SH3RF1: variants seen among roughly 807,000 people sequenced by gnomAD.
SH3RF1 encodes the protein E3 ubiquitin-protein ligase SH3RF1.
SH3RF1 carries 32 observed loss-of-function variants against 74.0 expected under a neutral mutation model. That is an observed-to-expected ratio of 0.43 (90% CI 0.33 to 0.58). SH3RF1 has a LOEUF of 0.58. SH3RF1 is among the 20% of genes least tolerant of loss of function. The probability of loss-of-function intolerance (pLI) is 0.05; values close to 1 mark genes in which losing one functional copy is unlikely to be tolerated. For synonymous variants in SH3RF1, 396 were observed against 439.6 expected (o/e 0.90, Z 1.24); for missense variants, 954 against 1,130.9 (o/e 0.84, Z 2.24).
intron 2 of SH3RF1, among the ~76,000 whole-genome samples, chr4:169,196,551 G>A (rs892264003): frequency 1.3e-5 from 2 of 152,158 alleles, no homozygotes; most frequent in African/African-American, 2.4e-5. Context: ...ACTTGTTCCC[G>A]CCAGATCTTG....
intron 2 of SH3RF1, among the ~76,000 whole-genome samples, chr4:169,249,010 G>A (rs148950054): frequency 2.6e-5 from 4 of 152,226 alleles, no homozygotes; most frequent in South Asian, 2.1e-4. Context: ...GGCAGATCAC[G>A]AGGTCAGGAG....
At chr4:169,122,067 A>G in intron 7 of SH3RF1, 33 bp downstream of exon 7, 1 of 1,603,716 alleles carries the variant, frequency 6.2e-7, no homozygotes. Context: ...TTAAATGAAC[A>G]CATAAGCAGT....
intron 2 of SH3RF1, among the ~76,000 whole-genome samples, chr4:169,231,672 G>C (rs545506592): frequency 6.6e-6 from 1 of 151,984 alleles, no homozygotes; most frequent in Non-Finnish European, 1.5e-5. Context: ...AGCTGCTATA[G>C]AATACTCACT....
intron 2 of SH3RF1, among the ~76,000 whole-genome samples, chr4:169,184,460 C>T (rs1734571474): frequency 1.3e-5 from 2 of 152,102 alleles, no homozygotes; most frequent in Non-Finnish European, 2.9e-5. Flanking sequence ...ATCCAGGTGG[C>T]TTCACTTCAT....
In SH3RF1 at chr4:169,253,625, T is replaced by G. The variant is rs897488307; in HGVS notation, c.393+15195A>C. Among the ~76,000 whole-genome samples the G allele has an allele frequency of 3.9e-5, 6 of 152,348 alleles. No homozygotes were observed. The East Asian group carries it at 1.2e-3, about 29-fold the overall frequency. ...ATTCAAAATGTAGAGGTGCTATTGC[T>G]AACCACATTACCTGTGCTTCCTACC... On this transcript the variant is annotated intron_variant, in intron 2 of 11. Coordinates refer to ENST00000284637, the MANE Select transcript of SH3RF1 (RefSeq NM_020870.4).
chr4:169,207,661 G>A (rs1417005240), intron 2 of SH3RF1, among the ~76,000 whole-genome samples: 1 of 152,170 alleles, frequency 6.6e-6, no homozygotes, highest in East Asian at 1.9e-4. Context: ...CCAGGTTCTG[G>A]ATGCTTCGAG....
At chr4:169,231,742 AC>A (rs1322094929) in intron 2 of SH3RF1, among the ~76,000 whole-genome samples, 5 of 152,182 alleles carry the variant, frequency 3.3e-5, no homozygotes, top group Admixed American at 6.5e-5. Flanking sequence ...CACCTGGACA[AC>A]TAACGCCTCT....
intron 2 of SH3RF1, among the ~76,000 whole-genome samples, chr4:169,163,158 A>G (rs1734178493): frequency 6.6e-6 from 1 of 151,880 alleles, no homozygotes; most frequent in Non-Finnish European, 1.5e-5. Flanking sequence ...TTTCTTACCA[A>G]TTTCCCTGGG....
At chr4:169,196,770 A>G (rs1053847871) in intron 2 of SH3RF1, among the ~76,000 whole-genome samples, 7 of 152,190 alleles carry the variant, frequency 4.6e-5, no homozygotes, top group Non-Finnish European at 1.0e-4. Flanking sequence ...CTCTACCATT[A>G]CAGAAAGCTC....
At chr4:169,252,565 T>C (rs371854925) in intron 2 of SH3RF1, among the ~76,000 whole-genome samples, 47 of 152,248 alleles carry the variant, frequency 3.1e-4, no homozygotes, top group South Asian at 4.1e-4. Flanking sequence ...TGCCAGATAA[T>C]AGTCAACTGA....
chr4:169,236,704 A>G (rs1290405331), intron 2 of SH3RF1, among the ~76,000 whole-genome samples: 1 of 152,202 alleles, frequency 6.6e-6, no homozygotes, highest in East Asian at 1.9e-4. Flanking sequence ...ATTCTCATGT[A>G]AGCTAACTCA....
chr4:169,106,307 C>A (rs1733136869), intron 11 of SH3RF1, among the ~76,000 whole-genome samples: 1 of 151,806 alleles, frequency 6.6e-6, no homozygotes, highest in Admixed American at 6.6e-5. Flanking sequence ...CAGGGTTTTA[C>A]CATGTTGCTG....
Position 169,268,980 on chromosome 4 carries a change from T to C in SH3RF1, c.233A>G (p.Gln78Arg), listed in dbSNP as rs1447553580. ...ACCAGGACCAGGTTTCCAAGGCCTC[T>C]GTTTGATGCCATCCAGAAGTCTGAC... ...LLVRLLDGIKQRPWKPGPGGG... is the reference protein window; with the variant it reads ...LLVRLLDGIKRRPWKPGPGGG... The change falls in exon 2 of 12, where the codon CAG (glutamine) becomes CGG (arginine). Residue 78 changes from glutamine (Q) to arginine (R), a missense_variant. By Grantham distance (43) the Gln-to-Arg change is conservative. Coordinates refer to ENST00000284637, the MANE Select transcript of SH3RF1 (RefSeq NM_020870.4). 2 of 1,614,098 alleles carry C rather than the reference T, an allele frequency of 1.2e-6. No homozygotes were observed. The highest frequency in any genetic ancestry group is 8.5e-7 in the Non-Finnish European group (1 of 1,180,036).
intron 4 of SH3RF1, among the ~76,000 whole-genome samples, chr4:169,147,313 G>A (rs1733907949): frequency 6.6e-6 from 1 of 152,180 alleles, no homozygotes. Context: ...ATGTATCTCA[G>A]GAGGTTATGA....
At chr4:169,149,786 T>C (rs543667092) in intron 4 of SH3RF1, among the ~76,000 whole-genome samples, 1 of 152,354 alleles carries the variant, frequency 6.6e-6, no homozygotes, top group African/African-American at 2.4e-5. Flanking sequence ...GCTATCTTTT[T>C]ATATAGTTCA....
intron 2 of SH3RF1, among the ~76,000 whole-genome samples, chr4:169,225,603 C>T (rs193074479): frequency 1.4e-4 from 21 of 152,226 alleles, no homozygotes; most frequent in Admixed American, 9.2e-4. Context: ...GTCAAGACTG[C>T]AGTTTCATCA....
At chr4:169,233,262 A>C (rs866281132) in intron 2 of SH3RF1, among the ~76,000 whole-genome samples, 1,666 of 151,312 alleles carry the variant, frequency 0.011, 37 homozygotes, top group African/African-American at 0.038. Flanking sequence ...AAAAAAAAAA[A>C]AAAAAAAAAA....
At position 169,117,750 on chromosome 4, in the gene SH3RF1, G is replaced by A. The variant is rs1334029117; in HGVS notation, c.1550C>T (p.Pro517Leu). The change falls in exon 9 of 12, where the codon CCT (proline) becomes CTT (leucine). Residue 517 changes from proline to leucine, a missense_variant. By Grantham distance (98) the Pro-to-Leu change is moderately conservative. Around this residue, in one of 3 missense-constraint regions of SH3RF1, gnomAD observed 854 missense variants for 962.5 expected, o/e 0.89. Transcript: ENST00000284637. ...AVTNASQAKV[P>L]MSTAGQTSRG... ...ACTTGTCTGGCCAGCTGTAGACATAGGGACTTTAGCTTGGGAAGCATTTGT... is the reference window on the plus strand; with the variant it reads ...ACTTGTCTGGCCAGCTGTAGACATAAGGACTTTAGCTTGGGAAGCATTTGT... The A allele has an allele frequency of 6.2e-7, 1 of 1,613,026 alleles. No individual in the cohort carries two copies. Among genetic ancestry groups the A allele is most frequent in the Non-Finnish European group, 8.5e-7 (1 of 1,179,086 alleles).
intron 2 of SH3RF1, among the ~76,000 whole-genome samples, chr4:169,258,671 T>C (rs1231042813): frequency 6.6e-6 from 1 of 152,114 alleles, no homozygotes; most frequent in African/African-American, 2.4e-5. Context: ...TGAAAAAAAC[T>C]GAAATAATAG....
Sources: allele counts gnomAD v4.1 joint callset (sites outside exome capture counted in the v4.1 genomes callset), GRCh38; gene constraint gnomAD v4.1.1; regional missense constraint gnomAD v4.1.1; transcripts MANE v1.5; gene names NCBI Gene and HGNC (gene_info 2026-07-23, HGNC 2026-07-21).